Variants in TP53BP1 observed in about 807,000 individuals in gnomAD.
TP53BP1 encodes the protein TP53-binding protein 1.
Under a neutral mutation model 200.8 loss-of-function variants are expected in TP53BP1, and 61 were observed. That is an observed-to-expected ratio of 0.30 (90% CI 0.25 to 0.38). TP53BP1 has a LOEUF of 0.38. Among genes scored for constraint, TP53BP1 ranks in the 10% least tolerant of loss-of-function variants. The pLI, the probability that TP53BP1 is intolerant of heterozygous loss-of-function variation, is 1.00. For synonymous variants in TP53BP1, 822 were observed against 844.3 expected (o/e 0.97, Z 0.46); for missense variants, 2,144 against 2,371.9 (o/e 0.90, Z 2.00).
At chr15:43,440,287 G>A (rs886699716) in intron 15 of TP53BP1, among the ~76,000 whole-genome samples, 4 of 151,906 alleles carry the variant, frequency 2.6e-5, no homozygotes, top group South Asian at 2.1e-4. Flanking sequence ...TCTTGCGGGC[G>A]GATCACGAGG....
chr15:43,501,906 C>G (rs767452213), intron 1 of TP53BP1, among the ~76,000 whole-genome samples: 3 of 152,166 alleles, frequency 2.0e-5, no homozygotes, highest in Non-Finnish European at 4.4e-5. Context: ...CATTTATAAA[C>G]AATTCGTTTT....
intron 1 of TP53BP1, among the ~76,000 whole-genome samples, chr15:43,503,749 C>T (rs2079221842): frequency 6.6e-6 from 1 of 152,152 alleles, no homozygotes; most frequent in Non-Finnish European, 1.5e-5. Flanking sequence ...GAAGTCTCAC[C>T]CTGCCTTCTC....
At position 43,420,537 on chromosome 15, in the gene TP53BP1, A is replaced by G. The variant is rs138659780; in HGVS notation, c.4449T>C (p.Asp1483=). The G allele has an allele frequency of 1.7e-5, 27 of 1,614,100 alleles. No individual in the cohort carries two copies. The African/African-American group carries it at 3.1e-4, about 18-fold the overall frequency. The change falls in exon 21 of 28, where the codon GAT becomes GAC. Residue 1483 remains aspartate, a synonymous_variant. Transcript: ENST00000382044. ...CAAAGCTATTTCCTGGAGAGGAGGC[A>G]TCTAAGCCATCAGAAGGGCCAGCAG... is the stretch of plus-strand genomic sequence containing the variant. The part of the protein sequence containing the change: ...QAAAGPSDGL[D]ASSPGNSFVG...
At chr15:43,468,873 C>A (rs561013045) in intron 11 of TP53BP1, among the ~76,000 whole-genome samples, 2 of 152,150 alleles carry the variant, frequency 1.3e-5, no homozygotes, top group South Asian at 4.2e-4. Context: ...AATAACGCTA[C>A]CAAATTCTAA....
intron 1 of TP53BP1, among the ~76,000 whole-genome samples, chr15:43,508,243 C>T (rs780116701): frequency 6.6e-6 from 1 of 152,080 alleles, no homozygotes; most frequent in East Asian, 1.9e-4. Flanking sequence ...GCCTGTAGTC[C>T]CAGCTACTCA....
At chr15:43,411,632 T>C (rs1236904623) in intron 24 of TP53BP1, among the ~76,000 whole-genome samples, 2 of 152,274 alleles carry the variant, frequency 1.3e-5, no homozygotes, top group African/African-American at 2.4e-5. Context: ...ATTCTGGTAC[T>C]GTTGGGCTGC....
rs1595508377 is a variant in TP53BP1 at position 43,405,614 on chromosome 15, A to C, written c.*1769T>G. 2 of 179,238 alleles carry C rather than the reference A, an allele frequency of 1.1e-5. No homozygotes were observed. Among genetic ancestry groups the C allele is most frequent in the Non-Finnish European group, 2.3e-5 (2 of 85,632 alleles). 11.1% of individuals were successfully genotyped at this position (179,238 alleles called of 1,614,324 possible). ...CATATGTGAAAAAGTAATTATGTTT[A>C]TAAATAGACTAACTGCTGGATGTTA... On this transcript the variant is annotated 3_prime_UTR_variant, in exon 28 of 28. Coordinates refer to ENST00000382044, the MANE Select transcript of TP53BP1 (RefSeq NM_001141980.3).
At chr15:43,417,730 C>A (rs1325451590) in intron 21 of TP53BP1, among the ~76,000 whole-genome samples, 1 of 152,182 alleles carries the variant, frequency 6.6e-6, no homozygotes, top group East Asian at 1.9e-4. Context: ...TAAAAGACCC[C>A]AATCCATGTG....
intron 4 of TP53BP1, among the ~76,000 whole-genome samples, chr15:43,486,590 T>A (rs939969641): frequency 6.6e-6 from 1 of 152,118 alleles, no homozygotes; most frequent in East Asian, 1.9e-4. Flanking sequence ...GAGGAAGGAC[T>A]CTCTGCTTTT....
chr15:43,497,820 A>G (rs1233707050), upstream of TP53BP1, among the ~76,000 whole-genome samples: 2 of 152,260 alleles, frequency 1.3e-5, no homozygotes, highest in Non-Finnish European at 2.9e-5. Flanking sequence ...ATGGTTGCAC[A>G]ACAATGTAAA....
At chr15:43,442,342 T>C (rs996811267) in intron 14 of TP53BP1, among the ~76,000 whole-genome samples, 1 of 151,994 alleles carries the variant, frequency 6.6e-6, no homozygotes, top group Non-Finnish European at 1.5e-5. Flanking sequence ...CGCCTCGGTC[T>C]CCCAAAGTGC....
At chr15:43,505,480 A>T (rs1400038646) in intron 1 of TP53BP1, among the ~76,000 whole-genome samples, 1 of 152,174 alleles carries the variant, frequency 6.6e-6, no homozygotes, top group African/African-American at 2.4e-5. Context: ...GGAAGATGGT[A>T]TTGATAAATT....
upstream of TP53BP1, among the ~76,000 whole-genome samples, chr15:43,494,275 T>G (rs117978592): frequency 8.4e-3 from 1,282 of 152,334 alleles, 5 homozygotes; most frequent in Middle Eastern, 0.02. Flanking sequence ...CCAACCATGA[T>G]TCTCCATTTC....
rs781195245 is a variant in TP53BP1, at chr15:43,420,424, T to C, written c.4562A>G (p.Lys1521Arg). The change falls in exon 21 of 28, where the codon AAA (lysine) becomes AGA (arginine). Residue 1521 changes from lysine (K) to arginine (R), a missense_variant. Physicochemically the swap from Lys to Arg is conservative, Grantham distance 26. This residue lies in a region of TP53BP1 where 61 missense variants were observed against 147.5 expected (regional missense o/e 0.41). Coordinates refer to ENST00000382044, the MANE Select transcript of TP53BP1 (RefSeq NM_001141980.3). ...ITRDVGAGKYKLLFDDGYECD... is the reference protein window; with the variant it reads ...ITRDVGAGKYRLLFDDGYECD... ...TTCGTACCCATCATCAAAGAGCAAT[T>C]TATACTTCCCAGCTCCGACATCTCG... 3 of 1,614,162 alleles carry C rather than the reference T, an allele frequency of 1.9e-6. No homozygotes were observed. The South Asian group carries it at 3.3e-5, about 18-fold the overall frequency.
intron 18 of TP53BP1, 38 bp downstream of exon 18, chr15:43,427,978 G>T: frequency 6.8e-5 from 84 of 1,235,022 alleles, no homozygotes; most frequent in African/African-American, 9.3e-5. Context: ...AAAAAAGAAA[G>T]AAAGAAATTT....
At chr15:43,465,934 C>G (rs547583910) in intron 11 of TP53BP1, among the ~76,000 whole-genome samples, 10 of 152,168 alleles carry the variant, frequency 6.6e-5, no homozygotes, top group Admixed American at 6.5e-5. Flanking sequence ...AGATTACAGG[C>G]ATGAGCCACC....
At chr15:43,408,110 A>G in intron 26 of TP53BP1, 22 bp from the exon 27 acceptor site, 1 of 1,610,198 alleles carries the variant, frequency 6.2e-7, no homozygotes, top group Non-Finnish European at 8.5e-7. Flanking sequence ...ACAGGAAAGG[A>G]CCTTAGCATG....
In TP53BP1 at chr15:43,407,265, A is replaced by G; in HGVS notation, c.*118T>C. 4.8e-6 allele frequency: 4 copies of G among 827,580 alleles called. No individual in the cohort carries two copies. In the South Asian group the frequency reaches 5.6e-5, roughly 12 times the overall value. 51.3% of individuals were successfully genotyped at this position (827,580 alleles called of 1,614,324 possible). ...TTATTTTATCATAAAAGTTCAGCAA[A>G]TAAAACTATATACAAGATCCATGCA... On this transcript the variant is annotated 3_prime_UTR_variant, in exon 28 of 28. Transcript: ENST00000382044.
chr15:43,442,566 C>T (rs531445161), intron 14 of TP53BP1, among the ~76,000 whole-genome samples: 5 of 151,796 alleles, frequency 3.3e-5, no homozygotes, highest in South Asian at 2.1e-4. Context: ...GGCGTAATCT[C>T]GACTTGCTGC....
Sources: gnomAD v4.1 joint callset for allele counts (sites outside exome capture counted in the v4.1 genomes callset) on GRCh38, gnomAD v4.1.1 for gene constraint, gnomAD v4.1.1 regional missense constraint, MANE v1.5 for transcripts, NCBI Gene and HGNC (gene_info 2026-07-23, HGNC 2026-07-21) for gene names.